Variants in BMP2K observed in about 807,000 individuals in gnomAD.
BMP2K encodes the protein BMP-2-inducible protein kinase.
Under a neutral mutation model 116.0 loss-of-function variants are expected in BMP2K, and 74 were observed. The observed-to-expected ratio is 0.64, with a 90% CI of 0.53 to 0.77. The LOEUF is 0.77. Ranked by LOEUF, BMP2K falls within the 30% of genes least tolerant of loss-of-function variation. The pLI, the probability that BMP2K is intolerant of heterozygous loss-of-function variation, is 0.00. For missense variants in BMP2K, 1,365 were observed against 1,403.6 expected, an observed-to-expected ratio of 0.97 and a Z score of 0.44; for synonymous variants, 486 against 502.5, an observed-to-expected ratio of 0.97 and a Z score of 0.44.
chr4:78,910,108 A>G (rs1310262728), intron 15 of BMP2K, among the ~76,000 whole-genome samples: 2 of 152,212 alleles, frequency 1.3e-5, no homozygotes, highest in Non-Finnish European at 2.9e-5. Flanking sequence ...TTCAAAAGAT[A>G]GTGGTTTATA....
intron 14 of BMP2K, 63 bp downstream of exon 14, chr4:78,878,954 C>T (rs1421567283): frequency 3.2e-6 from 5 of 1,560,504 alleles, no homozygotes; most frequent in Non-Finnish European, 4.3e-6. Flanking sequence ...TATTATTCAG[C>T]AAGGCCAAAG....
intron 15 of BMP2K, among the ~76,000 whole-genome samples, chr4:78,890,404 G>GCGCACA (rs1553920701): frequency 4.1e-5 from 6 of 147,968 alleles, no homozygotes; most frequent in African/African-American, 1.2e-4. Flanking sequence ...ACAATCATGC[G>GCGCACA]CACACACACA....
At chr4:78,780,041 T>C (rs1009207498) in intron 1 of BMP2K, among the ~76,000 whole-genome samples, 1 of 152,212 alleles carries the variant, frequency 6.6e-6, no homozygotes, top group Admixed American at 6.5e-5. Context: ...GCTCATATAA[T>C]TAATTCAATG....
intron 15 of BMP2K, among the ~76,000 whole-genome samples, chr4:78,890,008 G>T (rs183296966): frequency 3.3e-5 from 5 of 152,000 alleles, no homozygotes; most frequent in Non-Finnish European, 7.4e-5. Context: ...TATTTTGAAA[G>T]AAAAAGTTTC....
intron 1 of BMP2K, 137 bp downstream of exon 1, chr4:78,776,858 A>G (rs1417796854): frequency 3.4e-6 from 3 of 874,090 alleles, no homozygotes; most frequent in South Asian, 5.8e-5. Context: ...GGGGGCTCCT[A>G]AAGAGTGGCT....
chr4:78,902,926 G>A (rs1243354320), intron 15 of BMP2K, among the ~76,000 whole-genome samples: 1 of 151,928 alleles, frequency 6.6e-6, no homozygotes, highest in Non-Finnish European at 1.5e-5. Flanking sequence ...CATTAACTAG[G>A]ATCTCATTCT....
intron 15 of BMP2K, among the ~76,000 whole-genome samples, chr4:78,900,714 TAGAC>T (rs1733953461): frequency 6.6e-6 from 1 of 152,240 alleles, no homozygotes; most frequent in African/African-American, 2.4e-5. Context: ...AACATTTAGA[TAGAC>T]TATGTCTTAA....
In BMP2K at chr4:78,836,949, G is replaced by A. The variant is rs553636813; in HGVS notation, c.403+3262G>A. Among the ~76,000 whole-genome samples the A allele has an allele frequency of 4.1e-3, 618 of 152,134 alleles. 2 individuals are homozygous for A. The highest frequency in any genetic ancestry group is 6.7e-3 in the Non-Finnish European group (458 of 67,990). ...AACGTATTGAAATTTCAAGATATAC[G>A]TGCCTTACTGTGTGTCATTTTTGGT... On this transcript the variant is annotated intron_variant, in intron 3 of 15. Transcript: ENST00000502613.
At chr4:78,900,418 C>T (rs7691065) in intron 15 of BMP2K, among the ~76,000 whole-genome samples, 25,751 of 151,842 alleles carry the variant, frequency 0.17, 4,482 homozygotes, top group African/African-American at 0.45. Context: ...TATAGAAAGA[C>T]TGAAAGTGAA....
At chr4:78,798,356 A>G (rs1254336268) in intron 1 of BMP2K, among the ~76,000 whole-genome samples, 2 of 152,180 alleles carry the variant, frequency 1.3e-5, no homozygotes, top group African/African-American at 4.8e-5. Context: ...TGAGAAACCT[A>G]AGTGTTTCAG....
intron 5 of BMP2K, 72 bp downstream of exon 5, chr4:78,845,121 T>C (rs1242344391): frequency 7.9e-7 from 1 of 1,264,832 alleles, no homozygotes; most frequent in Non-Finnish European, 1.1e-6. Context: ...CCAGCACTGC[T>C]AATACAAATT....
At chr4:78,846,743 A>T (rs1301989826) in intron 5 of BMP2K, among the ~76,000 whole-genome samples, 1 of 151,678 alleles carries the variant, frequency 6.6e-6, no homozygotes, top group Non-Finnish European at 1.5e-5. Flanking sequence ...TCAAGGAAGT[A>T]CGTTAGAGTC....
chr4:78,901,846 A>G (rs1734024022), intron 15 of BMP2K, among the ~76,000 whole-genome samples: 1 of 152,312 alleles, frequency 6.6e-6, no homozygotes, highest in South Asian at 2.1e-4. Context: ...CTGAAGTTTT[A>G]GATTTCTTAT....
intron 14 of BMP2K, among the ~76,000 whole-genome samples, chr4:78,886,120 C>T (rs1221261097): frequency 1.3e-5 from 2 of 152,092 alleles, no homozygotes; most frequent in Non-Finnish European, 2.9e-5. Flanking sequence ...CTTGGTCTCC[C>T]AGAGTGCTGG....
chr4:78,796,086 G>A (rs1345254052), intron 1 of BMP2K, among the ~76,000 whole-genome samples: 1 of 152,028 alleles, frequency 6.6e-6, no homozygotes, highest in Non-Finnish European at 1.5e-5. Flanking sequence ...AAAGACACAT[G>A]CACACGTATG....
rs568722582 is a variant in BMP2K, at chr4:78,854,686, G to A, written c.883+3630G>A. ...ACGTGTGAGCCACTGTGACTGGTTC[G>A]ATTAGGGTTAAATTTATTTCAATAC... On this transcript the variant is annotated intron_variant, in intron 7 of 15. Transcript: ENST00000502613. Among the ~76,000 whole-genome samples the A allele has an allele frequency of 2.6e-5, 4 of 152,168 alleles. No individual in the cohort carries two copies. The South Asian group carries it at 8.3e-4, about 32-fold the overall frequency.
rs570086432 is a variant in BMP2K at position 78,870,805 on chromosome 4, C to T, written c.1254C>T (p.Gly418=). ...TAGGGGCACTAAGACCTGGAAATGGCCCTGAAATTTTATTGGGTCAGGGAC... is the reference window on the plus strand; with the variant it reads ...TAGGGGCACTAAGACCTGGAAATGGTCCTGAAATTTTATTGGGTCAGGGAC... ...RPKGALRPGN[G]PEILLGQGPP... Residue 418 remains glycine (G), a synonymous_variant, in exon 11 of 16, where the codon GGC becomes GGT. Coordinates refer to ENST00000502613, the MANE Select transcript of BMP2K (RefSeq NM_198892.2). 95 of 1,613,796 alleles carry T rather than the reference C, an allele frequency of 5.9e-5. 3 individuals carry two copies. The South Asian group carries it at 1.0e-3, about 17-fold the overall frequency.
At chr4:78,906,010 CT>C (rs1339080010) in intron 15 of BMP2K, 2 of 151,960 alleles carry the variant, frequency 1.3e-5, no homozygotes, top group African/African-American at 4.8e-5. Context: ...TACTGAAATA[CT>C]TTTTATTTTT....
intron 1 of BMP2K, among the ~76,000 whole-genome samples, chr4:78,822,768 G>A (rs763013036): frequency 6.6e-6 from 1 of 152,050 alleles, no homozygotes; most frequent in Non-Finnish European, 1.5e-5. Context: ...GAAAACTGAG[G>A]TACATGATAA....
Sources: allele counts gnomAD v4.1 joint callset (sites outside exome capture counted in the v4.1 genomes callset), GRCh38; gene constraint gnomAD v4.1.1; transcripts MANE v1.5; gene names NCBI Gene and HGNC (gene_info 2026-07-23, HGNC 2026-07-21).